Variants in UNC79 observed in about 807,000 individuals in gnomAD.
UNC79 encodes the protein unc-79 subunit of NALCN channel complex.
A neutral mutation model predicts 283.1 loss-of-function variants in UNC79; 37 were observed. That is an observed-to-expected ratio of 0.13 (90% CI 0.10 to 0.17). The LOEUF is 0.17. Ranked by LOEUF, UNC79 falls within the 10% of genes least tolerant of loss-of-function variation. The pLI is 1.00. For synonymous variants in UNC79, 1,107 were observed against 1,200.2 expected (o/e 0.92, Z 1.61); for missense variants, 2,272 against 3,211.1 (o/e 0.71, Z 7.07).
intron 1 of UNC79, among the ~76,000 whole-genome samples, chr14:93,360,419 T>C (rs1192827092): frequency 6.6e-6 from 1 of 152,240 alleles, no homozygotes; most frequent in Non-Finnish European, 1.5e-5. Flanking sequence ...TCTTGGAGAA[T>C]GACCGTGGAT....
intron 7 of UNC79, among the ~76,000 whole-genome samples, chr14:93,506,396 T>C (rs2059543073): frequency 6.6e-6 from 1 of 152,124 alleles, no homozygotes; most frequent in South Asian, 2.1e-4. Context: ...CTAATTTTTG[T>C]ATTTTTAGTA....
At chr14:93,400,863 A>G (rs1243618837) in intron 1 of UNC79, among the ~76,000 whole-genome samples, 1 of 152,232 alleles carries the variant, frequency 6.6e-6, no homozygotes, top group African/African-American at 2.4e-5. Context: ...AAATGAATTC[A>G]GGGATGATTC....
At chr14:93,519,897 A>T (rs2060243110) in intron 7 of UNC79, among the ~76,000 whole-genome samples, 1 of 151,770 alleles carries the variant, frequency 6.6e-6, no homozygotes, top group African/African-American at 2.4e-5. Context: ...ATTCATTATA[A>T]TTATTTTTTG....
At chr14:93,619,759 T>TA (rs1339269676) in intron 29 of UNC79, among the ~76,000 whole-genome samples, 6 of 152,016 alleles carry the variant, frequency 3.9e-5, no homozygotes, top group South Asian at 2.1e-4. Context: ...GCCCTTATGC[T>TA]AAAAAAAACC....
intron 4 of UNC79, among the ~76,000 whole-genome samples, chr14:93,484,156 G>T (rs1330479749): frequency 1.3e-5 from 2 of 152,194 alleles, no homozygotes; most frequent in Non-Finnish European, 2.9e-5. Flanking sequence ...CAGTGTAAAA[G>T]TGTTCCTATT....
intron 24 of UNC79, among the ~76,000 whole-genome samples, chr14:93,600,155 C>G (rs1668528496): frequency 6.6e-6 from 1 of 151,714 alleles, no homozygotes; most frequent in Non-Finnish European, 1.5e-5. Flanking sequence ...AGCTGAGATC[C>G]CATCACTGCA....
At chr14:93,352,053 T>C (rs969548832) in intron 1 of UNC79, among the ~76,000 whole-genome samples, 2 of 152,198 alleles carry the variant, frequency 1.3e-5, no homozygotes, top group African/African-American at 4.8e-5. Context: ...TGGATAAAAT[T>C]ATTTTTCGGA....
intron 42 of UNC79, among the ~76,000 whole-genome samples, chr14:93,683,678 A>G (rs1249054500): frequency 6.6e-6 from 1 of 152,212 alleles, no homozygotes. Context: ...CATTCCAACA[A>G]CAACAGAAAA....
chr14:93,627,267 T>G (rs1489151836), intron 30 of UNC79, among the ~76,000 whole-genome samples: 2 of 152,176 alleles, frequency 1.3e-5, no homozygotes, highest in Admixed American at 6.5e-5. Flanking sequence ...TGACTTGTGG[T>G]CTCTGTCCTT....
intron 27 of UNC79, among the ~76,000 whole-genome samples, chr14:93,613,711 G>A (rs776305902): frequency 1.4e-4 from 22 of 152,126 alleles, no homozygotes; most frequent in Non-Finnish European, 3.1e-4. Flanking sequence ...ACTGCGCCCG[G>A]CCAGTATATT....
intron 7 of UNC79, among the ~76,000 whole-genome samples, chr14:93,506,999 G>T (rs1279375393): frequency 6.6e-6 from 1 of 152,120 alleles, no homozygotes; most frequent in African/African-American, 2.4e-5. Context: ...GGTAAATGGA[G>T]ATCAAACATG....
At chr14:93,585,598 C>T (rs188755169) in intron 20 of UNC79, among the ~76,000 whole-genome samples, 1 of 152,306 alleles carries the variant, frequency 6.6e-6, no homozygotes, top group Admixed American at 6.5e-5. Flanking sequence ...TGCCTCTGAT[C>T]CTAGGGATTG....
At chr14:93,501,984 A>G (rs887729732) in intron 7 of UNC79, among the ~76,000 whole-genome samples, 1 of 152,246 alleles carries the variant, frequency 6.6e-6, no homozygotes. Flanking sequence ...TTTTCTAAAC[A>G]TAGTTAACAT....
intron 2 of UNC79, among the ~76,000 whole-genome samples, chr14:93,472,158 A>C (rs544077687): frequency 6.6e-6 from 1 of 152,134 alleles, no homozygotes; most frequent in Admixed American, 6.6e-5. Flanking sequence ...TTAGGGCCGA[A>C]GTTTGGGAAA....
exon 46 of UNC79, chr14:93,691,904 G>T: frequency 6.2e-7 from 1 of 1,614,164 alleles, no homozygotes; most frequent in Non-Finnish European, 8.5e-7. Flanking sequence ...TTTGGAGTAG[G>T]GTGACACCCA....
intron 1 of UNC79, among the ~76,000 whole-genome samples, chr14:93,417,854 C>G (rs956016458): frequency 7.9e-5 from 12 of 151,936 alleles, no homozygotes; most frequent in African/African-American, 2.9e-4. Context: ...AGTTCTCGAG[C>G]CTTGGCTTTC....
rs2070563855 is a variant in UNC79, at chr14:93,653,626, A to G, written c.6084-116A>G. ...ATATTTCATTTCACTGATGAACATG[A>G]CAGTGAGCTATCCCATCAGAGGCAT... On this transcript the variant is annotated intron_variant, in intron 35 of 48. Coordinates refer to ENST00000555664, the Ensembl canonical transcript of UNC79. 6.6e-5 allele frequency: 57 copies of G among 867,738 alleles called. 2 individuals are homozygous for G. Among genetic ancestry groups the G allele is most frequent in the South Asian group, 6.0e-4 (37 of 61,480 alleles). 53.8% of individuals were successfully genotyped at this position (867,738 alleles called of 1,614,324 possible). A position where few individuals can be genotyped will look rare whatever the true frequency, so the allele number is the denominator to read the frequency against.
chr14:93,347,076 G>A lies in UNC79; in HGVS notation c.-351+13553G>A, dbSNP rs570926890. 28 of 561,550 alleles carry A rather than the reference G, an allele frequency of 5.0e-5. No individual in the cohort carries two copies. In the African/African-American group the frequency reaches 5.3e-4, roughly 11 times the overall value. 34.8% of individuals were successfully genotyped at this position (561,550 alleles called of 1,614,324 possible). On this transcript the variant is annotated intron_variant, in intron 1 of 49. Coordinates refer to the UNC79 transcript ENST00000256339. The stretch of plus-strand genomic sequence containing the variant: ...TGGAAAGGGCAGTACAGAGAAAGGA[G>A]TGGTGAGCGGAAGAGGCGGGGCAGA...
intron 34 of UNC79, among the ~76,000 whole-genome samples, chr14:93,645,847 G>A (rs186533382): frequency 4.6e-5 from 7 of 152,130 alleles, no homozygotes; most frequent in Admixed American, 4.6e-4. Context: ...ATGGTGTCTG[G>A]TGTTAGTGGT....
Sources: gnomAD v4.1 joint callset for allele counts (sites outside exome capture counted in the v4.1 genomes callset) on GRCh38, gnomAD v4.1.1 for gene constraint, MANE v1.5 for transcripts, NCBI Gene and HGNC (gene_info 2026-07-23, HGNC 2026-07-21) for gene names.